Variants in GOLGA4 observed in about 807,000 individuals in gnomAD.
The protein encoded by GOLGA4 is golgin subfamily A member 4.
In GOLGA4, 169 loss-of-function variants were observed where a neutral mutation model predicts 265.9. The ratio of observed to expected loss-of-function variants is 0.64; its 90% CI spans 0.56 to 0.72. GOLGA4 has a LOEUF of 0.72. Ranked by LOEUF, GOLGA4 falls within the 30% of genes least tolerant of loss-of-function variation. GOLGA4 has a pLI of 0.00. For missense variants in GOLGA4, 2,482 were observed against 2,483.4 expected, an observed-to-expected ratio of 1.00 and a Z score of 0.01; for synonymous variants, 923 against 855.8, an observed-to-expected ratio of 1.08 and a Z score of -1.37.
At chr3:37,343,525 T>C (rs1003023418) in intron 20 of GOLGA4, among the ~76,000 whole-genome samples, 1 of 152,216 alleles carries the variant, frequency 6.6e-6, no homozygotes, top group Non-Finnish European at 1.5e-5. Flanking sequence ...CTGGCCAGGC[T>C]GGTTTTGAAC....
chr3:37,345,903 C>T (rs1369657016), intron 20 of GOLGA4, among the ~76,000 whole-genome samples: 4 of 151,158 alleles, frequency 2.6e-5, no homozygotes, highest in East Asian at 3.9e-4. Flanking sequence ...GCCACCATCG[C>T]GCCACTGCAC....
At chr3:37,358,276 C>T (rs1332284967) in intron 22 of GOLGA4, among the ~76,000 whole-genome samples, 2 of 152,156 alleles carry the variant, frequency 1.3e-5, no homozygotes, top group African/African-American at 4.8e-5. Flanking sequence ...TCTATGACTG[C>T]TGGTGAGGTA....
intron 2 of GOLGA4, among the ~76,000 whole-genome samples, chr3:37,280,402 T>C (rs1336236628): frequency 1.3e-5 from 2 of 152,168 alleles, no homozygotes; most frequent in African/African-American, 4.8e-5. Context: ...GTGAAAAATA[T>C]GATATAAAAT....
Position 37,327,196 on chromosome 3 carries a change from A to T in GOLGA4, c.5310A>T (p.Arg1770=). 6.2e-7 allele frequency: 1 copy of T among 1,613,900 alleles called. No individual in the cohort carries two copies. The highest frequency in any genetic ancestry group is 1.1e-5 in the South Asian group (1 of 91,074). Residue 1770 remains arginine (R), a synonymous_variant, in exon 14 of 24, where the codon CGA becomes CGT. Transcript: ENST00000361924. Reference sequence around the variant, plus strand: ...CAGTTTCTTCTCATTTTGAAATGCGATGCCAATACCAGGAGCGCTTAATAA... The same window carrying T: ...CAGTTTCTTCTCATTTTGAAATGCGTTGCCAATACCAGGAGCGCTTAATAA... ...EETVSSHFEM[R]CQYQERLIKL...
chr3:37,327,419 A>G lies in GOLGA4; in HGVS notation c.5533A>G (p.Lys1845Glu). The part of the protein sequence containing the change: ...FDDVQKTLQE[K>E]ELTCQILEQK... ...CGACGTCCAGAAAACCCTCCAGGAG[A>G]AGGAACTAACCTGTCAGATTTTGGA... Residue 1845 changes from lysine to glutamate, a missense_variant, in exon 14 of 24, where the codon AAG becomes GAG. By Grantham distance (56) the Lys-to-Glu change is moderately conservative. Around this residue, in one of 3 missense-constraint regions of GOLGA4, gnomAD observed 942 missense variants for 983.1 expected, o/e 0.96. Coordinates refer to ENST00000361924, the MANE Select transcript of GOLGA4 (RefSeq NM_002078.5). 6.2e-7 allele frequency: 1 copy of G among 1,613,950 alleles called. No homozygotes were observed. The highest frequency in any genetic ancestry group is 1.7e-5 in the Admixed American group (1 of 60,002).
At chr3:37,254,984 A>G (rs75462745) in intron 2 of GOLGA4, among the ~76,000 whole-genome samples, 2,260 of 150,208 alleles carry the variant, frequency 0.015, 52 homozygotes, top group African/African-American at 0.052. Context: ...AATCTGTCCT[A>G]TAGAACAATA....
rs1491545801 is a variant in GOLGA4 at position 37,328,268 on chromosome 3, A to ACACT, written c.5940-147_5940-146insACTC. On this transcript the variant is annotated intron_variant, in intron 14 of 23. Transcript: ENST00000361924. ...CACACACACACACACACACACACAC[A>ACACT]CTCACTCTCACACTCTCTCTCTCTC... The ACACT allele has an allele frequency of 4.2e-4, 286 of 676,248 alleles. 1 individual carries two copies. Among genetic ancestry groups the ACACT allele is most frequent in the Non-Finnish European group, 1.5e-4 (60 of 387,996 alleles). 41.9% of individuals were successfully genotyped at this position (676,248 alleles called of 1,614,324 possible).
chr3:37,269,615 G>C (rs1489748858), intron 2 of GOLGA4, among the ~76,000 whole-genome samples: 2 of 152,046 alleles, frequency 1.3e-5, no homozygotes, highest in Non-Finnish European at 2.9e-5. Context: ...CACATACAGA[G>C]CTTCACAAAA....
chr3:37,314,183 A>C (rs866557744), intron 10 of GOLGA4, among the ~76,000 whole-genome samples: 5 of 151,026 alleles, frequency 3.3e-5, no homozygotes, highest in South Asian at 4.2e-4. Flanking sequence ...CTGGTCTTGA[A>C]CTCCTGACCT....
At position 37,312,697 on chromosome 3, in the gene GOLGA4, A is replaced by AT. The variant is rs1334298449; in HGVS notation, c.1235-2716dup. On this transcript the variant is annotated intron_variant, in intron 10 of 23. Coordinates refer to ENST00000361924, the MANE Select transcript of GOLGA4 (RefSeq NM_002078.5). ...AGCCACGGCTCCTGGCTAATTTTTA[A>AT]TTTTTTTGTAGAGATGGGATTTCAC... is the stretch of plus-strand genomic sequence containing the variant. Among the ~76,000 whole-genome samples the AT allele has an allele frequency of 5.9e-5, 9 of 151,562 alleles. No individual in the cohort carries two copies. The East Asian group carries it at 1.5e-3, about 26-fold the overall frequency.
At chr3:37,353,540 GTTA>G (rs965738755) in intron 21 of GOLGA4, among the ~76,000 whole-genome samples, 4 of 152,068 alleles carry the variant, frequency 2.6e-5, no homozygotes, top group African/African-American at 9.6e-5. Context: ...TCTTATGTAT[GTTA>G]TTGTTGTTGT....
At chr3:37,288,617 C>T (rs2096856632) in intron 4 of GOLGA4, among the ~76,000 whole-genome samples, 1 of 151,938 alleles carries the variant, frequency 6.6e-6, no homozygotes, top group Non-Finnish European at 1.5e-5. Flanking sequence ...GCTGGGACTA[C>T]AGGCGCCTGC....
chr3:37,250,199 A>C (rs1447424127), intron 1 of GOLGA4: 1 of 152,236 alleles, frequency 6.6e-6, no homozygotes, highest in Non-Finnish European at 1.5e-5. Flanking sequence ...TGTTTTTCAC[A>C]TAAAAATCTC....
chr3:37,316,200 T>C (rs78795700), intron 11 of GOLGA4, among the ~76,000 whole-genome samples: 32 of 52,282 alleles, frequency 6.1e-4, no homozygotes, highest in Non-Finnish European at 1.5e-4. Flanking sequence ...TTTTTTCTGC[T>C]TTTTTTTTTT....
At chr3:37,353,906 T>C (rs1329522420) in intron 21 of GOLGA4, among the ~76,000 whole-genome samples, 1 of 151,940 alleles carries the variant, frequency 6.6e-6, no homozygotes, top group African/African-American at 2.4e-5. Context: ...CTTTTTTTAC[T>C]ACCAAAATAG....
At chr3:37,288,703 C>T (rs1164746732) in intron 4 of GOLGA4, among the ~76,000 whole-genome samples, 2 of 151,706 alleles carry the variant, frequency 1.3e-5, no homozygotes, top group East Asian at 3.9e-4. Flanking sequence ...TGGTCTCGAT[C>T]TCCTGACCTC....
chr3:37,316,146 A>G (rs1019630381), intron 11 of GOLGA4, among the ~76,000 whole-genome samples: 1 of 151,000 alleles, frequency 6.6e-6, no homozygotes, highest in African/African-American at 2.4e-5. Flanking sequence ...TGAACATGTC[A>G]TCATCATGGC....
chr3:37,285,982 AATGACTAATGTTGTTG>A lies in GOLGA4; in HGVS notation c.478-24_478-9del. 7.6e-7 allele frequency: 1 copy of A among 1,319,092 alleles called. No homozygotes were observed. The highest frequency in any genetic ancestry group is 1.1e-6 in the Non-Finnish European group (1 of 934,560). The allele number at this position is 1,319,092 out of a possible 1,614,324, so 81.7% of individuals were successfully genotyped here. On this transcript the variant is annotated splice_polypyrimidine_tract_variant and intron_variant, in intron 3 of 23. Transcript: ENST00000361924. The stretch of plus-strand genomic sequence containing the variant: ...TTTAGAATAATTGCATTTATTTAGG[AATGACTAATGTTGTTG>A]ATGACTATATTTTAGCTTGTTACAG...
rs776993462 is a variant in GOLGA4, at chr3:37,325,931, T to C, written c.4045T>C (p.Ser1349Pro). The change falls in exon 14 of 24, where the codon TCT becomes CCT. Residue 1349 changes from serine to proline, a missense_variant. Around this residue, in one of 3 missense-constraint regions of GOLGA4, gnomAD observed 942 missense variants for 983.1 expected, o/e 0.96. Transcript: ENST00000361924. ...SCITQLKKEL[S>P]ENINAVTLMK... is the part of the protein sequence containing the mutation. ...TATAACACAGTTGAAGAAAGAGTTA[T>C]CTGAAAACATCAATGCTGTCACATT... 9.3e-6 allele frequency: 15 copies of C among 1,612,742 alleles called. No homozygotes were observed. Among genetic ancestry groups the C allele is most frequent in the East Asian group, 8.9e-5 (4 of 44,822 alleles).
Sources: allele counts gnomAD v4.1 joint callset (sites outside exome capture counted in the v4.1 genomes callset), GRCh38; gene constraint gnomAD v4.1.1; regional missense constraint gnomAD v4.1.1; transcripts MANE v1.5; gene names NCBI Gene and HGNC (gene_info 2026-07-23, HGNC 2026-07-21).